The following CLPX variants were observed in gnomAD, a reference collection of about 807,000 sequenced individuals.
CLPX encodes the protein ATP-dependent clpX-like chaperone, mitochondrial.
A neutral mutation model predicts 76.4 loss-of-function variants in CLPX; 34 were observed. The observed-to-expected ratio is 0.45, with a 90% CI of 0.34 to 0.59. The LOEUF is 0.59. CLPX is among the 20% of genes least tolerant of loss of function. The probability of loss-of-function intolerance (pLI) is 0.01; values close to 1 mark genes in which losing one functional copy is unlikely to be tolerated. For missense variants in CLPX, 613 were observed against 757.0 expected (o/e 0.81, Z 2.23); for synonymous variants, 248 against 270.9 (o/e 0.92, Z 0.83).
At chr15:65,163,061 C>T (rs557095784) in intron 5 of CLPX, among the ~76,000 whole-genome samples, 33 of 151,962 alleles carry the variant, frequency 2.2e-4, no homozygotes, top group African/African-American at 4.8e-4. Flanking sequence ...TCAGGCCAGG[C>T]GCAAGAGTTC....
chr15:65,166,171 A>G (rs1251238077), intron 4 of CLPX, among the ~76,000 whole-genome samples: 3 of 152,188 alleles, frequency 2.0e-5, no homozygotes, highest in Non-Finnish European at 4.4e-5. Context: ...CTGGCTATGA[A>G]AAAACTACTT....
intron 6 of CLPX, among the ~76,000 whole-genome samples, chr15:65,159,108 G>T (rs1194733260): frequency 1.3e-5 from 2 of 152,160 alleles, no homozygotes; most frequent in Non-Finnish European, 2.9e-5. Context: ...GAAGCTACAT[G>T]ATCTAGGGCA....
chr15:65,172,965 T>C (rs1213702928), intron 3 of CLPX, among the ~76,000 whole-genome samples: 4 of 152,164 alleles, frequency 2.6e-5, no homozygotes, highest in African/African-American at 2.4e-5. Context: ...CTGTCAGCTA[T>C]GATTGCGCCA....
chr15:65,160,623 T>TCACACACA (rs375655324), intron 6 of CLPX, among the ~76,000 whole-genome samples: 277 of 101,012 alleles, frequency 2.7e-3, no homozygotes, highest in African/African-American at 9.6e-3. Flanking sequence ...TCTCTCTCTC[T>TCACACACA]CACACACACA....
Position 65,157,793 on chromosome 15 carries a change from G to A in CLPX, c.1010C>T (p.Ala337Val), listed in dbSNP as rs2087808026. The A allele has an allele frequency of 6.2e-7, 1 of 1,613,752 alleles. No homozygotes were observed. The highest frequency in any genetic ancestry group is 8.5e-7 in the Non-Finnish European group (1 of 1,179,870). Residue 337 changes from alanine (A) to valine (V), a missense_variant, in exon 8 of 14, where the codon GCA becomes GTA. By Grantham distance (64) the Ala-to-Val change is moderately conservative (BLOSUM62 0). Coordinates refer to ENST00000300107, the MANE Select transcript of CLPX (RefSeq NM_006660.5). Reference protein sequence around the residue: ...YVGEDIESVIAKLLQDANYNV... With the variant: ...YVGEDIESVIVKLLQDANYNV... The stretch of plus-strand genomic sequence containing the variant: ...ATAATTGGCATCTTGGAGTAGTTTT[G>A]CAATCACAGATTCAATATCTTCGCC...
chr15:65,168,438 G>C (rs2087950271), intron 3 of CLPX, among the ~76,000 whole-genome samples: 1 of 138,604 alleles, frequency 7.2e-6, no homozygotes, highest in African/African-American at 2.7e-5. Flanking sequence ...ATGAGTTCAT[G>C]TCCTTTGTAG....
intron 3 of CLPX, among the ~76,000 whole-genome samples, chr15:65,172,179 T>C (rs1018754216): frequency 1.3e-4 from 20 of 151,982 alleles, no homozygotes; most frequent in African/African-American, 4.6e-4. Flanking sequence ...GTCAGGCTGG[T>C]CTCAAACTCC....
intron 2 of CLPX, 57 bp downstream of exon 2, chr15:65,179,987 T>A (rs1394198797): frequency 1.5e-6 from 2 of 1,321,422 alleles, no homozygotes; most frequent in African/African-American, 1.5e-5. Context: ...ACTGTTATAT[T>A]TTTTTAAAGG....
chr15:65,169,722 A>T (rs2087972350), intron 3 of CLPX, among the ~76,000 whole-genome samples: 1 of 151,208 alleles, frequency 6.6e-6, no homozygotes. Context: ...ATAAAACAAC[A>T]CATGGTTATA....
chr15:65,185,000 C>G, intron 1 of CLPX, 75 bp downstream of exon 1: 1 of 1,343,716 alleles, frequency 7.4e-7, no homozygotes, highest in South Asian at 1.3e-5. Flanking sequence ...GTGCCCTCCC[C>G]GGGGCCCCCA....
At chr15:65,178,891 G>A (rs781181981) in intron 3 of CLPX, 43 bp downstream of exon 3, 1 of 1,115,196 alleles carries the variant, frequency 9.0e-7, no homozygotes, top group Admixed American at 2.2e-5. Context: ...GTAATTTACA[G>A]AAAATGTAGG....
At chr15:65,173,944 A>C (rs2088049967) in intron 3 of CLPX, among the ~76,000 whole-genome samples, 1 of 152,132 alleles carries the variant, frequency 6.6e-6, no homozygotes, top group South Asian at 2.1e-4. Flanking sequence ...GGAATTAGAT[A>C]GTGGAGATGA....
chr15:65,176,753 G>T (rs1425926254), intron 3 of CLPX, among the ~76,000 whole-genome samples: 2 of 151,570 alleles, frequency 1.3e-5, no homozygotes. Flanking sequence ...CCGCCACCAC[G>T]CCCAGCTAAT....
At chr15:65,164,299 C>G (rs898573525) in intron 4 of CLPX, 111 bp from the exon 5 acceptor site, 4 of 828,664 alleles carry the variant, frequency 4.8e-6, no homozygotes, top group Non-Finnish European at 7.3e-6. Flanking sequence ...TGAACAAAGA[C>G]TCTCATTAAA....
Position 65,150,754 on chromosome 15 carries a change from C to T in CLPX, c.*69G>A. On this transcript the variant is annotated 3_prime_UTR_variant, in exon 14 of 14. Transcript: ENST00000300107. Reference sequence around the variant, plus strand: ...TAGATCCAATGCCTTTAATATCAGACTGTAGAGACAATTATGATCCTAAAC... The same window carrying T: ...TAGATCCAATGCCTTTAATATCAGATTGTAGAGACAATTATGATCCTAAAC... 9.3e-7 allele frequency: 1 copy of T among 1,078,484 alleles called. No individual in the cohort carries two copies. The highest frequency in any genetic ancestry group is 1.4e-5 in the South Asian group (1 of 70,620). The allele number at this position is 1,078,484 out of a possible 1,614,324, so 66.8% of individuals were successfully genotyped here. A position where few individuals can be genotyped will look rare whatever the true frequency, so the allele number is the denominator to read the frequency against.
At chr15:65,153,088 T>G (rs1023246240) in intron 12 of CLPX, among the ~76,000 whole-genome samples, 1 of 151,956 alleles carries the variant, frequency 6.6e-6, no homozygotes, top group Non-Finnish European at 1.5e-5. Flanking sequence ...GTCTATGTCC[T>G]TTGTTGCAAA....
chr15:65,162,128 G>C (rs1417463663), intron 6 of CLPX, among the ~76,000 whole-genome samples: 2 of 152,040 alleles, frequency 1.3e-5, no homozygotes, highest in African/African-American at 4.8e-5. Flanking sequence ...CAACAGAAAG[G>C]CCACTCTCCT....
At chr15:65,153,286 C>G (rs1012982663) in intron 12 of CLPX, among the ~76,000 whole-genome samples, 10 of 151,978 alleles carry the variant, frequency 6.6e-5, no homozygotes, top group Admixed American at 3.3e-4. Context: ...CCCATCTCCA[C>G]TAAAAATACA....
At chr15:65,170,306 G>A (rs1211059266) in intron 3 of CLPX, among the ~76,000 whole-genome samples, 1 of 151,504 alleles carries the variant, frequency 6.6e-6, no homozygotes, top group African/African-American at 2.4e-5. Flanking sequence ...CAACTAGAAA[G>A]AGAGAACTGC....
Sources: gnomAD v4.1 joint callset for allele counts (sites outside exome capture counted in the v4.1 genomes callset) on GRCh38, gnomAD v4.1.1 for gene constraint, MANE v1.5 for transcripts, NCBI Gene and HGNC (gene_info 2026-07-23, HGNC 2026-07-21) for gene names.